Variants in HGSNAT observed in about 807,000 individuals in gnomAD.
HGSNAT encodes the protein heparan-alpha-glucosaminide N-acetyltransferase.
A neutral mutation model predicts 85.2 loss-of-function variants in HGSNAT; 59 were observed. The ratio of observed to expected loss-of-function variants is 0.69; its 90% confidence interval spans 0.56 to 0.86. The LOEUF (loss-of-function observed/expected upper bound fraction) is 0.86. Ranked by LOEUF, HGSNAT falls within the 40% of genes least tolerant of loss-of-function variation. The pLI, the probability that HGSNAT is intolerant of heterozygous loss-of-function variation, is 0.00. For synonymous variants in HGSNAT, 321 were observed against 304.5 expected (o/e 1.05, Z -0.56); for missense variants, 756 against 777.1 (o/e 0.97, Z 0.32).
chr8:43,154,180 T>C (rs775093664), intron 2 of HGSNAT, among the ~76,000 whole-genome samples: 8 of 152,206 alleles, frequency 5.3e-5, no homozygotes, highest in Non-Finnish European at 8.8e-5. Context: ...TGTAGCAAGA[T>C]AGACTTGTAT....
At chr8:43,169,350 G>A (rs1803539355) in intron 6 of HGSNAT, 108 bp downstream of exon 6, 5 of 700,426 alleles carry the variant, frequency 7.1e-6, no homozygotes, top group Non-Finnish European at 1.2e-5. Context: ...ATTGAGGAAG[G>A]CCAGGTTGTA....
intron 10 of HGSNAT, among the ~76,000 whole-genome samples, chr8:43,178,787 C>CT (rs1803908743): frequency 6.8e-6 from 1 of 147,710 alleles, no homozygotes; most frequent in Admixed American, 6.7e-5. Context: ...TCCCTGGGTA[C>CT]TTAAGATTAG....
At chr8:43,178,814 T>C (rs1586734105) in intron 10 of HGSNAT, among the ~76,000 whole-genome samples, 1 of 146,068 alleles carries the variant, frequency 6.8e-6, no homozygotes, top group African/African-American at 2.6e-5. Context: ...GTGATGACTC[T>C]TAACGAGCAT....
chr8:43,158,959 T>C lies in HGSNAT; in HGVS notation c.408T>C (p.Ser136=). 1.9e-6 allele frequency: 3 copies of C among 1,612,782 alleles called. No homozygotes were observed. The highest frequency in any genetic ancestry group is 2.5e-6 in the Non-Finnish European group (3 of 1,179,052). The change falls in exon 4 of 18, where the codon TCT becomes TCC. Residue 136 remains serine, a synonymous_variant. Coordinates refer to ENST00000379644, the MANE Select transcript of HGSNAT (RefSeq NM_152419.3). ...GATTTGGAGAATTTGGAAACTATTCTCTCTTGGTAAAGAACATCCATAATG... is the reference window on the plus strand; with the variant it reads ...GATTTGGAGAATTTGGAAACTATTCCCTCTTGGTAAAGAACATCCATAATG... ...EYRFGEFGNY[S]LLVKNIHNGV...
chr8:43,161,134 A>C (rs1031396750), intron 4 of HGSNAT, among the ~76,000 whole-genome samples: 3 of 152,162 alleles, frequency 2.0e-5, no homozygotes, highest in Non-Finnish European at 2.9e-5. Context: ...AGCCAGAAAA[A>C]GCAGGACATG....
At position 43,140,470 on chromosome 8, in the gene HGSNAT, G is replaced by T. The variant is rs1480172586; in HGVS notation, c.-27G>T. The T allele has an allele frequency of 2.1e-6, 2 of 950,242 alleles. No individual in the cohort carries two copies. The highest frequency in any genetic ancestry group is 4.7e-5 in the South Asian group (1 of 21,308). The allele number at this position is 950,242 out of a possible 1,614,324, so 58.9% of individuals were successfully genotyped here. A position where few individuals can be genotyped will look rare whatever the true frequency, so the allele number is the denominator to read the frequency against. On this transcript the variant is annotated 5_prime_UTR_variant, in exon 1 of 18. Transcript: ENST00000379644. ...GCGCAGGGCGGGGCGCAGCGGGCAG[G>T]CAAGGGCGGCCGAGCGGGCGGCGGG... is the stretch of plus-strand genomic sequence containing the variant.
intron 2 of HGSNAT, among the ~76,000 whole-genome samples, chr8:43,154,261 G>A (rs1803016290): frequency 6.6e-6 from 1 of 151,830 alleles, no homozygotes; most frequent in African/African-American, 2.4e-5. Context: ...TGTTACATAT[G>A]TATACATGTG....
At chr8:43,185,344 G>A (rs1261866647) in intron 11 of HGSNAT, among the ~76,000 whole-genome samples, 2 of 152,132 alleles carry the variant, frequency 1.3e-5, no homozygotes, top group African/African-American at 4.8e-5. Context: ...CCTTGAGGAG[G>A]TCCTTCACAT....
chr8:43,186,698 G>C (rs912997926), intron 11 of HGSNAT, among the ~76,000 whole-genome samples: 1 of 152,016 alleles, frequency 6.6e-6, no homozygotes, highest in African/African-American at 2.4e-5. Flanking sequence ...GAATGTGTTT[G>C]CTCTTGCTTC....
intron 7 of HGSNAT, among the ~76,000 whole-genome samples, chr8:43,171,459 T>C (rs1422490584): frequency 6.6e-6 from 1 of 152,220 alleles, no homozygotes; most frequent in African/African-American, 2.4e-5. Context: ...CTATGAGATA[T>C]ATACTTTTAA....
chr8:43,148,968 T>G (rs1221596543), intron 2 of HGSNAT, among the ~76,000 whole-genome samples: 1 of 150,894 alleles, frequency 6.6e-6, no homozygotes, highest in African/African-American at 2.4e-5. Context: ...ATACAAAAAT[T>G]AGCTACGCAC....
chr8:43,193,437 C>A (rs573580496), intron 13 of HGSNAT, among the ~76,000 whole-genome samples: 39 of 152,320 alleles, frequency 2.6e-4, no homozygotes, highest in African/African-American at 8.9e-4. Flanking sequence ...CCGTGCATTG[C>A]ATTTGAAGCT....
rs558711855 is a variant in HGSNAT, at chr8:43,192,389, C to T, written c.1336C>T (p.Leu446=). The change falls in exon 13 of 18, where the codon CTG becomes TTG. Residue 446 remains leucine, a synonymous_variant. Coordinates refer to ENST00000379644, the MANE Select transcript of HGSNAT (RefSeq NM_152419.3). ...AGCTGCAGGCTACATCGACCGCCTG[C>T]TGCTGGGAGACGATCACCTTTACCA... ...GGAAGYIDRL[L]LGDDHLYQHP... 1.2e-6 allele frequency: 2 copies of T among 1,613,364 alleles called. No individual in the cohort carries two copies. Among genetic ancestry groups the T allele is most frequent in the Non-Finnish European group, 1.7e-6 (2 of 1,179,692 alleles).
At chr8:43,189,655 C>T (rs993225092) in intron 11 of HGSNAT, among the ~76,000 whole-genome samples, 1 of 152,228 alleles carries the variant, frequency 6.6e-6, no homozygotes. Flanking sequence ...CCCGGTACCT[C>T]AGTTGGAAAT....
At chr8:43,165,567 G>A (rs1042148030) in intron 5 of HGSNAT, among the ~76,000 whole-genome samples, 1 of 152,200 alleles carries the variant, frequency 6.6e-6, no homozygotes, top group Non-Finnish European at 1.5e-5. Flanking sequence ...GGCCTCTTGT[G>A]CCCAACAGTT....
intron 2 of HGSNAT, among the ~76,000 whole-genome samples, chr8:43,153,748 T>G (rs1802995991): frequency 6.6e-6 from 1 of 152,210 alleles, no homozygotes; most frequent in African/African-American, 2.4e-5. Flanking sequence ...TACTCTCTAC[T>G]TCTATGAGGT....
intron 11 of HGSNAT, among the ~76,000 whole-genome samples, chr8:43,184,468 C>CT (rs1439873370): frequency 6.6e-6 from 1 of 152,176 alleles, no homozygotes; most frequent in African/African-American, 2.4e-5. Context: ...CCTTTGCCCA[C>CT]TTTTTGATGG....
chr8:43,154,653 A>G (rs546076924), intron 2 of HGSNAT, among the ~76,000 whole-genome samples: 17 of 152,254 alleles, frequency 1.1e-4, no homozygotes, highest in African/African-American at 3.9e-4. Context: ...CGCAATAAAC[A>G]TATGTGTGCA....
chr8:43,163,722 T>C lies in HGSNAT; in HGVS notation c.563+2215T>C, dbSNP rs117622622. The stretch of plus-strand genomic sequence containing the variant: ...TAGTAGAGATGAGGTTTCAGCATCT[T>C]GGCCAAGCTGGTCTTGAACTCCTGA... On this transcript the variant is annotated intron_variant, in intron 5 of 17. Transcript: ENST00000379644. Among the ~76,000 whole-genome samples, 2,357 of 152,158 alleles carry C rather than the reference T, an allele frequency of 0.015. 101 individuals are homozygous for C. The East Asian group carries it at 0.17, about 11-fold the overall frequency.
Sources: gnomAD v4.1 joint callset for allele counts (sites outside exome capture counted in the v4.1 genomes callset) on GRCh38, gnomAD v4.1.1 for gene constraint, MANE v1.5 for transcripts, NCBI Gene and HGNC (gene_info 2026-07-23, HGNC 2026-07-21) for gene names.